PTPN3: variants seen among roughly 807,000 people sequenced by gnomAD.
The protein encoded by PTPN3 is protein tyrosine phosphatase non-receptor type 3.
In PTPN3, 96 loss-of-function variants were observed where a neutral mutation model predicts 132.7. The ratio of observed to expected loss-of-function variants is 0.72; its 90% confidence interval spans 0.61 to 0.86. The LOEUF is 0.86. Ranked by LOEUF, PTPN3 falls within the 40% of genes least tolerant of loss-of-function variation. PTPN3 has a pLI of 0.00. For synonymous variants in PTPN3, 398 were observed against 429.0 expected (o/e 0.93, Z 0.89); for missense variants, 1,125 against 1,159.6 (o/e 0.97, Z 0.43).
At chr9:109,533,290 G>A in the PTPN3 span, among the ~76,000 whole-genome samples, 65 of 151,442 alleles carry the variant, frequency 4.3e-4, no homozygotes, top group Non-Finnish European at 7.4e-4. Context: ...GACTACAGGC[G>A]CCCGCCACCG....
intron 19 of PTPN3, among the ~76,000 whole-genome samples, chr9:109,395,769 A>C (rs538872225): frequency 2.0e-4 from 31 of 151,832 alleles, no homozygotes; most frequent in African/African-American, 6.0e-4. Flanking sequence ...CCTGGGAGAC[A>C]GAGGAAGACC....
Position 109,433,168 on chromosome 9 carries a change from A to G in PTPN3, c.676-7T>C, listed in dbSNP as rs773950071. Reference sequence around the variant, plus strand: ...GGTCTAAATTGTGCAGATCCTGTAAAAAGGAAGATCTCAGATCCACAGCAT... The same window carrying G: ...GGTCTAAATTGTGCAGATCCTGTAAGAAGGAAGATCTCAGATCCACAGCAT... On this transcript the variant is annotated splice_polypyrimidine_tract_variant and splice_region_variant and intron_variant, in intron 9 of 25. Transcript: ENST00000374541. 1 of 1,613,866 alleles carries G rather than the reference A, an allele frequency of 6.2e-7. No individual in the cohort carries two copies. Among genetic ancestry groups the G allele is most frequent in the Non-Finnish European group, 8.5e-7 (1 of 1,179,950 alleles).
intron 6 of PTPN3, 78 bp downstream of exon 6, chr9:109,448,733 A>G: frequency 7.4e-7 from 1 of 1,359,366 alleles, no homozygotes; most frequent in Admixed American, 2.1e-5. Context: ...TATTGTTACC[A>G]GAAATAAACA....
intron 22 of PTPN3, among the ~76,000 whole-genome samples, chr9:109,384,371 C>T (rs1323407854): frequency 6.6e-6 from 1 of 152,188 alleles, no homozygotes; most frequent in Non-Finnish European, 1.5e-5. Flanking sequence ...GAGGTGATAT[C>T]CCACACAGCA....
chr9:109,506,508 C>T, the PTPN3 span, among the ~76,000 whole-genome samples: 3 of 148,576 alleles, frequency 2.0e-5, no homozygotes, highest in South Asian at 4.3e-4. Context: ...TCTTTCCTTC[C>T]TTCCTTCTTT....
chr9:109,520,917 C>T, the PTPN3 span, among the ~76,000 whole-genome samples: 11 of 152,184 alleles, frequency 7.2e-5, no homozygotes, highest in Non-Finnish European at 1.3e-4. Flanking sequence ...ACACCCACAC[C>T]CAGTACCACC....
At chr9:109,527,183 G>A in the PTPN3 span, among the ~76,000 whole-genome samples, 1 of 152,196 alleles carries the variant, frequency 6.6e-6, no homozygotes, top group Non-Finnish European at 1.5e-5. Context: ...ACTTCTGGCT[G>A]GGTGTGGTGG....
chr9:109,511,354 C>G, the PTPN3 span: 1 of 152,636 alleles, frequency 6.6e-6, no homozygotes, highest in Admixed American at 6.5e-5. Context: ...AAGGGGCAGC[C>G]ACAGTAACTT....
intron 1 of PTPN3, among the ~76,000 whole-genome samples, chr9:109,482,170 G>A (rs1349019980): frequency 1.3e-5 from 2 of 152,358 alleles, no homozygotes; most frequent in Middle Eastern, 3.4e-3. Context: ...GGGCTGGAAG[G>A]CAGTCTGACT....
intron 1 of PTPN3, among the ~76,000 whole-genome samples, chr9:109,495,812 A>C (rs1426880768): frequency 6.6e-6 from 1 of 152,176 alleles, no homozygotes; most frequent in African/African-American, 2.4e-5. Context: ...GGGGTCAGAG[A>C]CATGACTGAT....
At chr9:109,484,141 G>T (rs1014105241) in intron 1 of PTPN3, among the ~76,000 whole-genome samples, 6 of 152,132 alleles carry the variant, frequency 3.9e-5, no homozygotes, top group African/African-American at 1.4e-4. Flanking sequence ...AATTGCCTGA[G>T]CCCCACCCTG....
chr9:109,438,754 C>T (rs1844238870), intron 7 of PTPN3, among the ~76,000 whole-genome samples: 1 of 152,194 alleles, frequency 6.6e-6, no homozygotes, highest in African/African-American at 2.4e-5. Context: ...TGACCCATCC[C>T]CTGGGATTCA....
At chr9:109,534,447 C>T in the PTPN3 span, 5 of 1,262,500 alleles carry the variant, frequency 4.0e-6, no homozygotes, top group Non-Finnish European at 3.1e-6. Context: ...GGGGTCCGCT[C>T]TCCGCTCCCG....
At chr9:109,478,180 G>A (rs1366331955) in intron 1 of PTPN3, among the ~76,000 whole-genome samples, 1 of 152,216 alleles carries the variant, frequency 6.6e-6, no homozygotes, top group East Asian at 1.9e-4. Context: ...GGGAAGGAGA[G>A]GGCGGCTCAG....
intron 7 of PTPN3, among the ~76,000 whole-genome samples, chr9:109,443,830 G>A (rs1844660379): frequency 6.6e-6 from 1 of 152,182 alleles, no homozygotes; most frequent in African/African-American, 2.4e-5. Flanking sequence ...GGCGATGCAG[G>A]TATCGATGGA....
the PTPN3 span, among the ~76,000 whole-genome samples, chr9:109,509,352 A>T: frequency 2.0e-5 from 3 of 152,136 alleles, no homozygotes; most frequent in Non-Finnish European, 4.4e-5. Context: ...CATTGAGGCA[A>T]CCTTCATATT....
chr9:109,449,277 C>A lies in PTPN3; in HGVS notation c.369-422G>T, dbSNP rs1043506735. On this transcript the variant is annotated intron_variant, in intron 5 of 25. Coordinates refer to ENST00000374541, the MANE Select transcript of PTPN3 (RefSeq NM_002829.4). ...ACTGTTCTGAACACTGTGCCAGGAT[C>A]CATCCACCCAAGCTCCATCTGCATG... is the stretch of plus-strand genomic sequence containing the variant. 6 of 995,424 alleles carry A rather than the reference C, an allele frequency of 6.0e-6. No individual in the cohort carries two copies. In the African/African-American group the frequency reaches 8.7e-5, roughly 14 times the overall value. The allele number at this position is 995,424 out of a possible 1,614,324, so 61.7% of individuals were successfully genotyped here.
intron 2 of PTPN3, among the ~76,000 whole-genome samples, chr9:109,461,992 C>G (rs1454042345): frequency 6.6e-6 from 1 of 152,198 alleles, no homozygotes; most frequent in Non-Finnish European, 1.5e-5. Flanking sequence ...CCTAACTAGA[C>G]AACTGAATTT....
At chr9:109,392,570 A>C (rs1840217353) in intron 19 of PTPN3, 1 of 152,188 alleles carries the variant, frequency 6.6e-6, no homozygotes, top group Non-Finnish European at 1.5e-5. Flanking sequence ...TATGTTTTTA[A>C]AAGCAAAAAA....
Sources: gnomAD v4.1 joint callset for allele counts (sites outside exome capture counted in the v4.1 genomes callset) on GRCh38, gnomAD v4.1.1 for gene constraint, MANE v1.5 for transcripts, NCBI Gene and HGNC (gene_info 2026-07-23, HGNC 2026-07-21) for gene names.